Variants in PAK3 observed in about 807,000 individuals in gnomAD.
The protein encoded by PAK3 is p21 (RAC1) activated kinase 3.
A neutral mutation model predicts 41.0 loss-of-function variants in PAK3; 4 were observed. The observed-to-expected ratio is 0.10, with a 90% CI of 0.05 to 0.22. The LOEUF (loss-of-function observed/expected upper bound fraction) is 0.22, where lower values mean the gene tolerates loss of function less well. Ranked by LOEUF, PAK3 falls within the 10% of genes least tolerant of loss-of-function variation. The pLI is 1.00. For synonymous variants in PAK3, 146 were observed against 139.6 expected, an observed-to-expected ratio of 1.05 and a Z score of -0.32; for missense variants, 205 against 409.9, an observed-to-expected ratio of 0.50 and a Z score of 4.32.
chrX:111,212,263 A>G (rs970770670), intron 16 of PAK3, among the ~76,000 whole-genome samples: 3 of 112,053 alleles, frequency 2.7e-5, no homozygotes, highest in South Asian at 3.7e-4. Flanking sequence ...TATCACTCAC[A>G]CCCAGAACTA....
chrX:111,188,188 A>G (rs1396583462), intron 11 of PAK3, among the ~76,000 whole-genome samples: 1 of 108,979 alleles, frequency 9.2e-6, no homozygotes, highest in Non-Finnish European at 1.9e-5. Context: ...TTAAATGCTG[A>G]GGGTGCTGGA....
At chrX:111,040,568 C>G (rs2092443499) in intron 1 of PAK3, among the ~76,000 whole-genome samples, 2 of 111,910 alleles carry the variant, frequency 1.8e-5, no homozygotes, top group African/African-American at 6.5e-5. Flanking sequence ...CCAGCTTGAC[C>G]ACCTATCCCT....
intron 5 of PAK3, among the ~76,000 whole-genome samples, chrX:111,127,881 T>G (rs1347247540): frequency 8.9e-6 from 1 of 112,268 alleles, no homozygotes; most frequent in Non-Finnish European, 1.9e-5. Context: ...TTGTGTATTC[T>G]TGTAAGCCAC....
At chrX:111,127,856 C>T (rs1728361583) in intron 5 of PAK3, among the ~76,000 whole-genome samples, 1 of 111,818 alleles carries the variant, frequency 8.9e-6, no homozygotes, top group Admixed American at 9.5e-5. Flanking sequence ...TGAATTTATG[C>T]TATCATGTTG....
chrX:111,058,129 C>A lies in PAK3; in HGVS notation c.-27-64948C>A, dbSNP rs1227384231. 5.4e-5 allele frequency among the ~76,000 whole-genome samples: 6 copies of A among 111,984 alleles called. No homozygotes were observed. In the Admixed American group the frequency reaches 5.7e-4, roughly 11 times the overall value. ...TAATTTTTGGTTTTTATGAGTAATGCTCCTATGAATATTCCTATACAAGTT... is the reference window on the plus strand; with the variant it reads ...TAATTTTTGGTTTTTATGAGTAATGATCCTATGAATATTCCTATACAAGTT... On this transcript the variant is annotated intron_variant, in intron 1 of 14. Transcript: ENST00000425146.
At chrX:111,164,807 T>C (rs1213552834) in intron 10 of PAK3, among the ~76,000 whole-genome samples, 2 of 112,058 alleles carry the variant, frequency 1.8e-5, no homozygotes, top group East Asian at 2.8e-4. Context: ...AAATTCAATC[T>C]TTTTTGGAAA....
At chrX:111,129,707 A>T (rs1208655290) in intron 5 of PAK3, among the ~76,000 whole-genome samples, 1 of 111,436 alleles carries the variant, frequency 9.0e-6, no homozygotes, top group African/African-American at 3.3e-5. Context: ...GGGTTGGGAG[A>T]TGTTTACACT....
chrX:111,168,904 C>T (rs887955105), intron 10 of PAK3, among the ~76,000 whole-genome samples: 2 of 111,321 alleles, frequency 1.8e-5, no homozygotes, highest in African/African-American at 3.3e-5. Flanking sequence ...CAGGCCCTTG[C>T]GCATTAATAG....
chrX:110,974,954 C>T (rs1297241006), intron 1 of PAK3, among the ~76,000 whole-genome samples: 1 of 111,701 alleles, frequency 9.0e-6, no homozygotes, highest in Non-Finnish European at 1.9e-5. Context: ...ATTGATGGAA[C>T]AAATCTCAAT....
chrX:111,176,368 G>A (rs2094404681), intron 11 of PAK3, among the ~76,000 whole-genome samples: 1 of 110,445 alleles, frequency 9.1e-6, no homozygotes, highest in African/African-American at 3.3e-5. Context: ...AGAGCATTAG[G>A]ACGAATAGCC....
At chrX:111,170,888 C>T (rs2094329953) in intron 10 of PAK3, among the ~76,000 whole-genome samples, 1 of 111,219 alleles carries the variant, frequency 9.0e-6, no homozygotes, top group South Asian at 3.8e-4. Flanking sequence ...CCAGATGATG[C>T]TGAAGGGTGA....
intron 11 of PAK3, among the ~76,000 whole-genome samples, chrX:111,182,112 T>C (rs1479444028): frequency 9.0e-6 from 1 of 111,658 alleles, no homozygotes; most frequent in Non-Finnish European, 1.9e-5. Flanking sequence ...TAACTTGTTT[T>C]TTCCAGCCAC....
intron 1 of PAK3, among the ~76,000 whole-genome samples, chrX:110,994,775 T>A (rs138017692): frequency 2.0e-3 from 221 of 111,612 alleles, no homozygotes; most frequent in African/African-American, 6.5e-3. Flanking sequence ...TTTGGATAAG[T>A]CTTTTATCCT....
chrX:111,072,310 G>T (rs2092751555), intron 1 of PAK3, among the ~76,000 whole-genome samples: 2 of 112,526 alleles, frequency 1.8e-5, no homozygotes, highest in South Asian at 7.3e-4. Context: ...TAAAAATACT[G>T]CATGTTGCAT....
intron 5 of PAK3, among the ~76,000 whole-genome samples, chrX:111,138,829 A>G (rs1029718999): frequency 9.0e-6 from 1 of 111,149 alleles, no homozygotes; most frequent in Non-Finnish European, 1.9e-5. Context: ...AGGGGACAGC[A>G]TTTAAGCATC....
At chrX:111,181,552 A>G (rs1405418860) in intron 11 of PAK3, among the ~76,000 whole-genome samples, 1 of 111,260 alleles carries the variant, frequency 9.0e-6, no homozygotes, top group Non-Finnish European at 1.9e-5. Flanking sequence ...TATTTTTCAG[A>G]CTTATCTCTG....
intron 1 of PAK3, among the ~76,000 whole-genome samples, chrX:111,034,249 G>A (rs983831434): frequency 2.0e-4 from 22 of 110,347 alleles, no homozygotes; most frequent in African/African-American, 7.0e-4. Context: ...GTTGGGGGTC[G>A]GGGAAAGAGA....
At chrX:111,071,868 AC>A (rs1408692187) in intron 1 of PAK3, among the ~76,000 whole-genome samples, 8 of 112,279 alleles carry the variant, frequency 7.1e-5, no homozygotes, top group Non-Finnish European at 1.5e-4. Context: ...TTTTCTAAAT[AC>A]AAGACTAAAA....
At chrX:111,059,145 A>C (rs1438967706) in intron 1 of PAK3, among the ~76,000 whole-genome samples, 1 of 100,010 alleles carries the variant, frequency 1.0e-5, no homozygotes, top group Non-Finnish European at 2.0e-5. Flanking sequence ...TTTTTGAAAA[A>C]AAAGGCCATT....
Sources: allele counts gnomAD v4.1 joint callset (sites outside exome capture counted in the v4.1 genomes callset), GRCh38; gene constraint gnomAD v4.1.1; transcripts MANE v1.5; gene names NCBI Gene and HGNC (gene_info 2026-07-23, HGNC 2026-07-21).